METAP2: variants seen among roughly 807,000 people sequenced by gnomAD.
METAP2 encodes methionine aminopeptidase 2.
In METAP2, 25 loss-of-function variants were observed where a neutral mutation model predicts 59.4. That is an observed-to-expected ratio of 0.42 (90% CI 0.31 to 0.59). The LOEUF is 0.59. Ranked by LOEUF, METAP2 falls within the 20% of genes least tolerant of loss-of-function variation. The pLI is 0.16. For missense variants in METAP2, 366 were observed against 581.2 expected, an observed-to-expected ratio of 0.63 and a Z score of 3.81; for synonymous variants, 214 against 194.1, an observed-to-expected ratio of 1.10 and a Z score of -0.85.
intron 2 of METAP2, among the ~76,000 whole-genome samples, chr12:95,480,285 A>G (rs2076149256): frequency 6.6e-6 from 1 of 152,192 alleles, no homozygotes; most frequent in African/African-American, 2.4e-5. Context: ...TACATTGAAC[A>G]ATATTTGGGG....
chr12:95,499,619 T>C (rs2076300898), intron 7 of METAP2, among the ~76,000 whole-genome samples: 1 of 151,898 alleles, frequency 6.6e-6, no homozygotes, highest in Non-Finnish European at 1.5e-5. Flanking sequence ...AGGGATTGTG[T>C]TGAATGTGTA....
chr12:95,493,117 T>A (rs993689530), intron 4 of METAP2, among the ~76,000 whole-genome samples: 2 of 152,256 alleles, frequency 1.3e-5, no homozygotes, highest in African/African-American at 2.4e-5. Context: ...TTTTTTTAAA[T>A]ATCATTTTAA....
At chr12:95,493,147 A>G (rs887467447) in intron 4 of METAP2, among the ~76,000 whole-genome samples, 2 of 151,914 alleles carry the variant, frequency 1.3e-5, no homozygotes, top group Non-Finnish European at 2.9e-5. Flanking sequence ...TGTTTTTCCT[A>G]CTACAGGAGT....
intron 2 of METAP2, among the ~76,000 whole-genome samples, chr12:95,482,797 AAG>A (rs1377655985): frequency 1.3e-5 from 2 of 152,140 alleles, no homozygotes; most frequent in Non-Finnish European, 2.9e-5. Flanking sequence ...GTTTCAAAAA[AAG>A]AAAGAAAAGA....
At chr12:95,476,516 A>AC (rs1167023439) in intron 2 of METAP2, among the ~76,000 whole-genome samples, 7 of 131,624 alleles carry the variant, frequency 5.3e-5, no homozygotes, top group Middle Eastern at 4.0e-3. Flanking sequence ...TCTCAAAAAA[A>AC]AGAAAGAAAG....
At chr12:95,492,154 G>GTGTA (rs771596880) in intron 4 of METAP2, among the ~76,000 whole-genome samples, 3 of 151,304 alleles carry the variant, frequency 2.0e-5, no homozygotes, top group Non-Finnish European at 3.0e-5. Flanking sequence ...GTGTGTGTGT[G>GTGTA]TATGTATATG....
chr12:95,508,221 A>G (rs1350195623), intron 8 of METAP2, among the ~76,000 whole-genome samples: 1 of 152,216 alleles, frequency 6.6e-6, no homozygotes, highest in Middle Eastern at 3.2e-3. Context: ...AGCCAAAGCC[A>G]TAAGGAAAGC....
At chr12:95,477,174 G>A (rs1183025257) in intron 2 of METAP2, among the ~76,000 whole-genome samples, 3 of 151,914 alleles carry the variant, frequency 2.0e-5, no homozygotes, top group Non-Finnish European at 2.9e-5. Flanking sequence ...CGTGATCTCG[G>A]ATCACTGCGA....
chr12:95,500,175 A>G (rs2076305050), intron 7 of METAP2, among the ~76,000 whole-genome samples: 1 of 151,376 alleles, frequency 6.6e-6, no homozygotes, highest in Non-Finnish European at 1.5e-5. Flanking sequence ...GTTATTGTTA[A>G]TGGAATTGTT....
At chr12:95,483,331 T>C (rs2140141511) in intron 3 of METAP2, 51 bp downstream of exon 3, 4 of 1,442,546 alleles carry the variant, frequency 2.8e-6, no homozygotes, top group Non-Finnish European at 3.9e-6. Flanking sequence ...GTTTATTCTG[T>C]CGGGTGTGGT....
In METAP2 at chr12:95,496,081, A is replaced by G. The variant is rs1327078306; in HGVS notation, c.850A>G (p.Thr284Ala). The G allele has an allele frequency of 6.3e-6, 10 of 1,583,350 alleles. No homozygotes were observed. Among genetic ancestry groups the G allele is most frequent in the Non-Finnish European group, 7.8e-6 (9 of 1,156,326 alleles). Reference sequence around the variant, plus strand: ...GTTATTAAAAGCTGTAAAAGATGCTACTAACACTGGAATAAAGGTATGTGA... The same window carrying G: ...GTTATTAAAAGCTGTAAAAGATGCTGCTAACACTGGAATAAAGGTATGTGA... The part of the protein sequence containing the change: ...DTLLKAVKDA[T>A]NTGIKCAGID... Residue 284 changes from threonine (T) to alanine (A), a missense_variant, in exon 7 of 11, where the codon ACT (threonine) becomes GCT (alanine). Thr to Ala is a moderately conservative substitution (Grantham distance 58). This residue lies in a region of METAP2 where 106 missense variants were observed against 221.9 expected (regional missense o/e 0.48). Coordinates refer to ENST00000323666, the MANE Select transcript of METAP2 (RefSeq NM_006838.4).
intron 7 of METAP2, among the ~76,000 whole-genome samples, chr12:95,501,819 C>CT (rs547631132): frequency 0.097 from 13,961 of 144,564 alleles, 840 homozygotes; most frequent in African/African-American, 0.17. Flanking sequence ...TACAATTGGC[C>CT]TTTTTTTTTT....
chr12:95,474,316 A>G lies in METAP2; in HGVS notation c.137A>G (p.Lys46Arg). 1 of 1,614,082 alleles carries G rather than the reference A, an allele frequency of 6.2e-7. No homozygotes were observed. Among genetic ancestry groups the G allele is most frequent in the Non-Finnish European group, 8.5e-7 (1 of 1,179,990 alleles). The change falls in exon 1 of 11, where the codon AAA becomes AGA. Residue 46 changes from lysine to arginine, a missense_variant. Lys to Arg is a conservative substitution (Grantham distance 26). Transcript: ENST00000323666. ...KKKRRKKKKS[K>R]GPSAAGEQEP... ...AAAAGACGAAAGAAGAAGAAGAGCA[A>G]AGGGCCTTCTGCAGGTAAAGAGAGT...
chr12:95,485,609 G>A (rs1392054068), intron 3 of METAP2, among the ~76,000 whole-genome samples: 2 of 152,122 alleles, frequency 1.3e-5, no homozygotes, highest in African/African-American at 2.4e-5. Flanking sequence ...GAGTGAAGAT[G>A]AAGACATTAG....
At chr12:95,505,976 A>G (rs1365729344) in intron 8 of METAP2, among the ~76,000 whole-genome samples, 1 of 151,314 alleles carries the variant, frequency 6.6e-6, no homozygotes, top group Non-Finnish European at 1.5e-5. Context: ...ACACACCTGT[A>G]ATCTCAGCTA....
intron 4 of METAP2, among the ~76,000 whole-genome samples, chr12:95,493,193 C>G (rs981998713): frequency 6.6e-6 from 1 of 151,998 alleles, no homozygotes; most frequent in African/African-American, 2.4e-5. Context: ...ATAAAAAATT[C>G]TGTCAGTTGG....
At chr12:95,511,278 G>C (rs2076399592) in intron 8 of METAP2, among the ~76,000 whole-genome samples, 1 of 150,344 alleles carries the variant, frequency 6.7e-6, no homozygotes, top group Non-Finnish European at 1.5e-5. Context: ...CTAATAATTT[G>C]TGTACATGGC....
chr12:95,501,686 G>A (rs1284944388), intron 7 of METAP2, among the ~76,000 whole-genome samples: 1 of 151,086 alleles, frequency 6.6e-6, no homozygotes, highest in Non-Finnish European at 1.5e-5. Flanking sequence ...CTGCACTCCA[G>A]CCTGGCGACA....
At chr12:95,495,902 C>G in intron 6 of METAP2, 102 bp from the exon 7 acceptor site, 1 of 710,548 alleles carries the variant, frequency 1.4e-6, no homozygotes, top group Non-Finnish European at 2.4e-6. Flanking sequence ...AGCCTTCATT[C>G]TATTTTTCTG....
Sources: allele counts gnomAD v4.1 joint callset (sites outside exome capture counted in the v4.1 genomes callset), GRCh38; gene constraint gnomAD v4.1.1; regional missense constraint gnomAD v4.1.1; transcripts MANE v1.5; gene names NCBI Gene and HGNC (gene_info 2026-07-23, HGNC 2026-07-21).